Variants in LIN28B observed in about 807,000 individuals in gnomAD.
The protein encoded by LIN28B is protein lin-28 homolog B.
LIN28B carries 5 observed loss-of-function variants against 21.9 expected under a neutral mutation model. That is an observed-to-expected ratio of 0.23 (90% CI 0.12 to 0.48). LIN28B has a LOEUF of 0.48. Ranked by LOEUF, LIN28B falls within the 20% of genes least tolerant of loss-of-function variation. The pLI is 0.98. For missense variants in LIN28B, 245 were observed against 310.5 expected (o/e 0.79, Z 1.58); for synonymous variants, 109 against 111.3 (o/e 0.98, Z 0.13).
chr6:105,046,910 G>A (rs1373271933), intron 3 of LIN28B, among the ~76,000 whole-genome samples: 2 of 152,130 alleles, frequency 1.3e-5, no homozygotes, highest in African/African-American at 4.8e-5. Flanking sequence ...GTAGATTCTG[G>A]ATATTAGCCC....
intron 2 of LIN28B, among the ~76,000 whole-genome samples, chr6:105,018,455 T>A (rs1311654634): frequency 6.6e-6 from 1 of 152,140 alleles, no homozygotes; most frequent in Non-Finnish European, 1.5e-5. Flanking sequence ...TAGCTCAGTT[T>A]CGACTGCTGT....
chr6:105,012,512 G>A (rs1269643441), intron 2 of LIN28B, among the ~76,000 whole-genome samples: 1 of 150,638 alleles, frequency 6.6e-6, no homozygotes, highest in Non-Finnish European at 1.5e-5. Flanking sequence ...AAACCCTATC[G>A]TTTGTTTCTG....
intron 2 of LIN28B, among the ~76,000 whole-genome samples, chr6:105,018,710 T>C (rs1167331523): frequency 6.6e-6 from 1 of 152,152 alleles, no homozygotes; most frequent in African/African-American, 2.4e-5. Flanking sequence ...ATGTATTTGC[T>C]TCCTTCCTTT....
At chr6:105,006,942 C>T (rs967720626) in intron 2 of LIN28B, among the ~76,000 whole-genome samples, 20 of 152,132 alleles carry the variant, frequency 1.3e-4, no homozygotes, top group Non-Finnish European at 2.1e-4. Flanking sequence ...TGCTTTTGTC[C>T]GGAAGACAAG....
At chr6:104,995,975 A>G (rs895069779) in intron 2 of LIN28B, among the ~76,000 whole-genome samples, 2 of 150,036 alleles carry the variant, frequency 1.3e-5, no homozygotes, top group African/African-American at 4.9e-5. Context: ...TTATATATAT[A>G]TATATAAAAT....
intron 3 of LIN28B, among the ~76,000 whole-genome samples, chr6:105,049,775 A>C (rs377698783): frequency 6.6e-6 from 1 of 151,784 alleles, no homozygotes; most frequent in Non-Finnish European, 1.5e-5. Context: ...TTTGTCTCTT[A>C]TGATCTTTGT....
chr6:104,994,434 G>T (rs1770558549), intron 2 of LIN28B, among the ~76,000 whole-genome samples: 1 of 152,184 alleles, frequency 6.6e-6, no homozygotes, highest in Non-Finnish European at 1.5e-5. Flanking sequence ...GCCAGGCATT[G>T]TGTTAGCTAT....
rs190337160 is a variant in LIN28B, at chr6:104,967,349, G to T, written c.198+9063G>T. Among the ~76,000 whole-genome samples the T allele has an allele frequency of 1.0e-3, 155 of 151,820 alleles. 1 individual carries two copies. The East Asian group carries it at 0.028, about 27-fold the overall frequency. On this transcript the variant is annotated intron_variant, in intron 2 of 3. Coordinates refer to ENST00000345080, the MANE Select transcript of LIN28B (RefSeq NM_001004317.4). Reference sequence around the variant, plus strand: ...AATCCCAGCACTTTGGGAGGCTGAGGGGGGTGGATCACTTGAGGTCAGGAA... The same window carrying T: ...AATCCCAGCACTTTGGGAGGCTGAGTGGGGTGGATCACTTGAGGTCAGGAA...
chr6:105,064,738 T>A (rs1772187806), intron 3 of LIN28B, among the ~76,000 whole-genome samples: 1 of 152,150 alleles, frequency 6.6e-6, no homozygotes, highest in Non-Finnish European at 1.5e-5. Context: ...CCAGTCAGGG[T>A]ATCATTCAAT....
At chr6:105,050,350 C>T (rs1168234066) in intron 3 of LIN28B, among the ~76,000 whole-genome samples, 1 of 151,694 alleles carries the variant, frequency 6.6e-6, no homozygotes, top group Non-Finnish European at 1.5e-5. Context: ...CGCCTGTAAT[C>T]CCAGCACTTT....
intron 2 of LIN28B, among the ~76,000 whole-genome samples, chr6:104,991,585 G>A (rs889893496): frequency 3.9e-5 from 6 of 152,116 alleles, no homozygotes; most frequent in African/African-American, 1.4e-4. Context: ...GCCGGGCAGA[G>A]ACGCTCCTCA....
chr6:105,062,269 C>A (rs1384783118), intron 3 of LIN28B, among the ~76,000 whole-genome samples: 1 of 152,046 alleles, frequency 6.6e-6, no homozygotes, highest in African/African-American at 2.4e-5. Flanking sequence ...ACAAAGTCAT[C>A]CCTCTCGCTC....
At chr6:105,056,998 T>TA (rs1310504734) in intron 3 of LIN28B, among the ~76,000 whole-genome samples, 1 of 152,232 alleles carries the variant, frequency 6.6e-6, no homozygotes. Flanking sequence ...TTCCCATTGT[T>TA]ATAGCTGTAG....
chr6:104,953,854 G>A (rs570970994), upstream of LIN28B, among the ~76,000 whole-genome samples: 14 of 151,090 alleles, frequency 9.3e-5, no homozygotes, highest in South Asian at 3.1e-3. Context: ...CCTCCTCCTA[G>A]TTTTAAGAAG....
intron 2 of LIN28B, among the ~76,000 whole-genome samples, chr6:104,977,489 A>G (rs1172068668): frequency 1.3e-5 from 2 of 152,000 alleles, no homozygotes; most frequent in East Asian, 3.9e-4. Flanking sequence ...TTTTTCTCCT[A>G]CTGAATTGTA....
rs558071803 is a variant in LIN28B, at chr6:104,965,243, C to T, written c.198+6957C>T. ...ATTGTTTTTGTTATTTAAAATAATT[C>T]TTTTGGCTGAGCATGGTGGCTCATG... On this transcript the variant is annotated intron_variant, in intron 2 of 3. Coordinates refer to ENST00000345080, the MANE Select transcript of LIN28B (RefSeq NM_001004317.4). 2.0e-5 allele frequency among the ~76,000 whole-genome samples: 3 copies of T among 152,226 alleles called. No homozygotes were observed. The South Asian group carries it at 6.2e-4, about 32-fold the overall frequency.
chr6:105,081,960 T>C lies in LIN28B; in HGVS notation c.*3177T>C, dbSNP rs1772550104. Reference sequence around the variant, plus strand: ...AAAGGGTCTGTGTGAAGCATCACTTTGCAGGGATTACTAATGGTGGGGCAG... The same window carrying C: ...AAAGGGTCTGTGTGAAGCATCACTTCGCAGGGATTACTAATGGTGGGGCAG... On this transcript the variant is annotated 3_prime_UTR_variant, in exon 4 of 4. Transcript: ENST00000345080. 1 of 152,636 alleles carries C rather than the reference T, an allele frequency of 6.6e-6. No individual in the cohort carries two copies. Among genetic ancestry groups the C allele is most frequent in the Non-Finnish European group, 1.5e-5 (1 of 68,030 alleles). The allele number at this position is 152,636 out of a possible 1,614,324, so 9.5% of individuals were successfully genotyped here.
At chr6:105,047,560 C>G (rs376666066) in intron 3 of LIN28B, among the ~76,000 whole-genome samples, 3 of 152,128 alleles carry the variant, frequency 2.0e-5, no homozygotes, top group African/African-American at 7.2e-5. Context: ...TGAAGAAAGT[C>G]ATTCGTAGCT....
intron 2 of LIN28B, among the ~76,000 whole-genome samples, chr6:104,984,201 C>T (rs76373152): frequency 6.6e-4 from 101 of 152,076 alleles, no homozygotes; most frequent in African/African-American, 2.2e-3. Context: ...GCCCAGTATG[C>T]GTTTAAAAAA....
Sources: allele counts gnomAD v4.1 joint callset (sites outside exome capture counted in the v4.1 genomes callset), GRCh38; gene constraint gnomAD v4.1.1; transcripts MANE v1.5; gene names NCBI Gene and HGNC (gene_info 2026-07-23, HGNC 2026-07-21).